The following PSD3 variants were observed in gnomAD, a reference collection of about 807,000 sequenced individuals.
PSD3 encodes pleckstrin and Sec7 domain containing 3, also known as PH and SEC7 domain-containing protein 3.
In PSD3, 49 loss-of-function variants were observed where a neutral mutation model predicts 105.5. The ratio of observed to expected loss-of-function variants is 0.46; its 90% CI spans 0.37 to 0.59. The LOEUF is 0.59. PSD3 is among the 20% of genes least tolerant of loss of function. PSD3 has a pLI of 0.00. For synonymous variants in PSD3, 557 were observed against 457.8 expected (o/e 1.22, Z -2.77); for missense variants, 1,561 against 1,263.8 (o/e 1.24, Z -3.57).
chr8:18,853,900 A>G (rs1815789445), intron 4 of PSD3, among the ~76,000 whole-genome samples: 1 of 152,208 alleles, frequency 6.6e-6, no homozygotes, highest in South Asian at 2.1e-4. Context: ...ACCCTGTAAT[A>G]AATATACTCT....
intron 1 of PSD3, among the ~76,000 whole-genome samples, chr8:18,972,616 T>C (rs193053456): frequency 5.3e-5 from 8 of 152,216 alleles, no homozygotes; most frequent in Admixed American, 4.6e-4. Context: ...GGAGGTAGGG[T>C]CTTCATAAGG....
intron 4 of PSD3, among the ~76,000 whole-genome samples, chr8:18,837,988 G>A (rs1179548848): frequency 1.3e-5 from 2 of 152,082 alleles, no homozygotes; most frequent in African/African-American, 4.8e-5. Context: ...AAATGATAGA[G>A]GACTGTTGTA....
chr8:18,711,506 T>A (rs941316960), intron 9 of PSD3, among the ~76,000 whole-genome samples: 12 of 152,082 alleles, frequency 7.9e-5, no homozygotes, highest in Admixed American at 7.2e-4. Flanking sequence ...AGACTTTAAA[T>A]GAACAAAGAT....
intron 10 of PSD3, 68 bp from the exon 11 acceptor site, chr8:18,632,874 A>C: frequency 7.9e-7 from 1 of 1,272,368 alleles, no homozygotes; most frequent in Non-Finnish European, 1.1e-6. Flanking sequence ...AAGGTAAGTT[A>C]TTGTAAAAAA....
At chr8:18,760,877 C>T (rs146729943) in intron 9 of PSD3, among the ~76,000 whole-genome samples, 1 of 152,284 alleles carries the variant, frequency 6.6e-6, no homozygotes, top group Non-Finnish European at 1.5e-5. Context: ...TTCAGACCAA[C>T]GCCTCTCCAT....
At chr8:18,691,693 C>T (rs922664194) in intron 9 of PSD3, among the ~76,000 whole-genome samples, 2 of 152,030 alleles carry the variant, frequency 1.3e-5, no homozygotes, top group East Asian at 1.9e-4. Flanking sequence ...CCAATAAGCC[C>T]GTCCATAATT....
chr8:18,803,441 C>G (rs1460302308), intron 6 of PSD3, among the ~76,000 whole-genome samples: 2 of 133,888 alleles, frequency 1.5e-5, no homozygotes, highest in Admixed American at 7.4e-5. Flanking sequence ...ATTCAAAAAC[C>G]AAACTCCCTA....
intron 2 of PSD3, among the ~76,000 whole-genome samples, chr8:18,886,087 A>C (rs1818433314): frequency 6.6e-6 from 1 of 152,134 alleles, no homozygotes; most frequent in South Asian, 2.1e-4. Context: ...TGTCTTTCTA[A>C]AACTGGAGGG....
At chr8:18,611,340 A>G (rs1214625631) in intron 11 of PSD3, among the ~76,000 whole-genome samples, 3 of 152,108 alleles carry the variant, frequency 2.0e-5, no homozygotes, top group African/African-American at 7.2e-5. Context: ...TGTGGATCCC[A>G]ATTTTGGAAG....
chr8:18,889,626 C>CCCCATCT (rs1222991868), intron 2 of PSD3, among the ~76,000 whole-genome samples: 1 of 152,162 alleles, frequency 6.6e-6, no homozygotes, highest in Non-Finnish European at 1.5e-5. Context: ...GGCCATGCTC[C>CCCCATCT]CCCATCTCCC....
At chr8:18,941,519 T>G (rs1822536131) in intron 1 of PSD3, among the ~76,000 whole-genome samples, 1 of 152,170 alleles carries the variant, frequency 6.6e-6, no homozygotes, top group Non-Finnish European at 1.5e-5. Flanking sequence ...CACCATTAAA[T>G]GGATGGGACA....
At chr8:18,891,073 G>A (rs1818755436) in intron 2 of PSD3, among the ~76,000 whole-genome samples, 1 of 152,192 alleles carries the variant, frequency 6.6e-6, no homozygotes, top group African/African-American at 2.4e-5. Context: ...GCTTACTATG[G>A]ATAATGCTTG....
intron 4 of PSD3, among the ~76,000 whole-genome samples, chr8:18,860,196 C>G (rs978328406): frequency 6.6e-6 from 1 of 152,022 alleles, no homozygotes; most frequent in African/African-American, 2.4e-5. Flanking sequence ...TTTCATGGAG[C>G]AATCGGAACA....
chr8:19,036,968 C>G (rs1198135103), intron 1 of PSD3, among the ~76,000 whole-genome samples: 1 of 152,176 alleles, frequency 6.6e-6, no homozygotes, highest in South Asian at 2.1e-4. Context: ...ACCCTTTCAG[C>G]CGTGTCTTAT....
chr8:18,703,215 T>C (rs1801692815), intron 9 of PSD3, among the ~76,000 whole-genome samples: 1 of 152,106 alleles, frequency 6.6e-6, no homozygotes, highest in South Asian at 2.1e-4. Context: ...AATGAATTAA[T>C]AGTCTACAAA....
intron 1 of PSD3, among the ~76,000 whole-genome samples, chr8:19,009,326 G>A (rs1381688559): frequency 6.6e-6 from 1 of 152,194 alleles, no homozygotes; most frequent in East Asian, 1.9e-4. Flanking sequence ...AACACGCAAT[G>A]CTAACTTTGA....
At chr8:18,672,959 T>A (rs1292812402) in intron 9 of PSD3, among the ~76,000 whole-genome samples, 1 of 152,166 alleles carries the variant, frequency 6.6e-6, no homozygotes, top group Non-Finnish European at 1.5e-5. Context: ...CTGTCTACAT[T>A]CCTTCTGATT....
chr8:18,903,317 C>G (rs1819630834), intron 2 of PSD3, among the ~76,000 whole-genome samples: 1 of 152,112 alleles, frequency 6.6e-6, no homozygotes, highest in Non-Finnish European at 1.5e-5. Context: ...GGTAGTGACT[C>G]TAGACCCTGG....
In PSD3 at chr8:18,725,302, A is replaced by T. The variant is rs574063110; in HGVS notation, c.2172+40147T>A. Among the ~76,000 whole-genome samples, 4 of 152,346 alleles carry T rather than the reference A, an allele frequency of 2.6e-5. 1 individual carries two copies. Among genetic ancestry groups the T allele is most frequent in the South Asian group, 4.1e-4 (2 of 4,830 alleles). On this transcript the variant is annotated intron_variant, in intron 9 of 15. Transcript: ENST00000327040. ...AGTCAGCTTTTGGAAGAGGGGCTAC[A>T]AACAGACAAGGGACAGAAATATCAA...
Sources: gnomAD v4.1 joint callset for allele counts (sites outside exome capture counted in the v4.1 genomes callset) on GRCh38, gnomAD v4.1.1 for gene constraint, MANE v1.5 for transcripts, NCBI Gene and HGNC (gene_info 2026-07-23, HGNC 2026-07-21) for gene names.